WDR97: variants seen among roughly 807,000 people sequenced by gnomAD.
WDR97 encodes WD repeat-containing protein 97.
In WDR97, 111 loss-of-function variants were observed where a neutral mutation model predicts 65.4. The ratio of observed to expected loss-of-function variants is 1.70; its 90% CI spans 1.45 to 1.99. The LOEUF is 1.99. Among genes scored for constraint, WDR97 ranks in the 30% most tolerant of loss-of-function variants. The probability of loss-of-function intolerance (pLI) is 0.00; values close to 1 mark genes in which losing one functional copy is unlikely to be tolerated. For missense variants in WDR97, 1,674 were observed against 865.0 expected (o/e 1.94, Z -11.73); for synonymous variants, 802 against 397.7 (o/e 2.02, Z -12.10).
At position 144,109,489 on chromosome 8, in the gene WDR97, G is replaced by T. The variant is rs1381912053; in HGVS notation, c.1155G>T (p.Val385=). The T allele has an allele frequency of 1.4e-6, 1 of 697,350 alleles. No individual in the cohort carries two copies. The highest frequency in any genetic ancestry group is 1.5e-5 in the South Asian group (1 of 67,192). The allele number at this position is 697,350 out of a possible 1,614,324, so 43.2% of individuals were successfully genotyped here. A position where few individuals can be genotyped will look rare whatever the true frequency, so the allele number is the denominator to read the frequency against. ...GCCAGGACAAGCTGTCCCGGCGCGT[G>T]GGCCGTCTGCTGGCGCCGGTGCGCC... ...FWGQDKLSRR[V]GRLLAPVRPG... Residue 385 remains valine, a synonymous_variant, in exon 5 of 24, where the codon GTG becomes GTT. Coordinates refer to ENST00000323662, the MANE Select transcript of WDR97 (RefSeq NM_001316309.2).
intron 7 of WDR97, 28 bp from the exon 8 acceptor site, chr8:144,110,621 G>T (rs188148479): frequency 2.8e-6 from 2 of 702,776 alleles, no homozygotes; most frequent in Non-Finnish European, 5.2e-6. Context: ...GCCCAGCTCC[G>T]GTTCCTGACC....
rs1380290059 is a variant in WDR97 at position 144,116,564 on chromosome 8, T to G, written c.*271T>G. The G allele has an allele frequency of 2.5e-6, 1 of 397,496 alleles. No homozygotes were observed. Among genetic ancestry groups the G allele is most frequent in the Non-Finnish European group, 4.5e-6 (1 of 223,630 alleles). 24.6% of individuals were successfully genotyped at this position (397,496 alleles called of 1,614,324 possible). ...AGGGCAGAGGAGACCCATAGCGGGGTACCATCCGCTGGGCACTGAGCAAAC... is the reference window on the plus strand; with the variant it reads ...AGGGCAGAGGAGACCCATAGCGGGGGACCATCCGCTGGGCACTGAGCAAAC... On this transcript the variant is annotated 3_prime_UTR_variant, in exon 24 of 24. Coordinates refer to ENST00000323662, the MANE Select transcript of WDR97 (RefSeq NM_001316309.2).
intron 15 of WDR97, 169 bp downstream of exon 15, chr8:144,112,699 C>T (rs1836575079): frequency 4.8e-6 from 3 of 622,846 alleles, no homozygotes; most frequent in Non-Finnish European, 8.7e-6. Context: ...TCACCCCTCA[C>T]CCTTCACCCT....
chr8:144,111,234 G>T lies in WDR97; in HGVS notation c.2426+12G>T. On this transcript the variant is annotated intron_variant, in intron 10 of 23. Coordinates refer to ENST00000323662, the MANE Select transcript of WDR97 (RefSeq NM_001316309.2). ...GCAGCCAGCCTCAGGTCCCATGCAG[G>T]CCTGCTCAGCCCTCCTGGAGGCCCT... The T allele has an allele frequency of 1.4e-6, 1 of 702,688 alleles. No homozygotes were observed. Among genetic ancestry groups the T allele is most frequent in the East Asian group, 2.7e-5 (1 of 37,282 alleles). 43.5% of individuals were successfully genotyped at this position (702,688 alleles called of 1,614,324 possible).
In WDR97 at chr8:144,112,516, G is replaced by A. The variant is rs769046549; in HGVS notation, c.3091G>A (p.Val1031Met). The A allele has an allele frequency of 5.6e-5, 39 of 702,428 alleles. No individual in the cohort carries two copies. Among genetic ancestry groups the A allele is most frequent in the South Asian group, 4.1e-4 (28 of 67,596 alleles). 43.5% of individuals were successfully genotyped at this position (702,428 alleles called of 1,614,324 possible). A position where few individuals can be genotyped will look rare whatever the true frequency, so the allele number is the denominator to read the frequency against. The stretch of plus-strand genomic sequence containing the variant: ...CCTCAGGGGCTTCTTTCCTGCCACC[G>A]TGCAGCCCCACAAGGTGAGACCCCC... ...SSLRGFFPAT[V>M]QPHKHCLRPI... Residue 1031 changes from valine (V) to methionine (M), a missense_variant, in exon 15 of 24, where the codon GTG (valine) becomes ATG (methionine). Transcript: ENST00000323662.
Position 144,116,357 on chromosome 8 carries a change from C to A in WDR97, c.*64C>A, listed in dbSNP as rs1836667921. ...GTCATTGGTATTTGGCCAAGGCCTG[C>A]ATCGGGAATAAAGTCCAGAGAATTT... On this transcript the variant is annotated 3_prime_UTR_variant, in exon 24 of 24. Coordinates refer to ENST00000323662, the MANE Select transcript of WDR97 (RefSeq NM_001316309.2). The A allele has an allele frequency of 3.5e-6, 2 of 571,452 alleles. No homozygotes were observed. Among genetic ancestry groups the A allele is most frequent in the Non-Finnish European group, 6.2e-6 (2 of 322,040 alleles). The allele number at this position is 571,452 out of a possible 1,614,324, so 35.4% of individuals were successfully genotyped here.
At position 144,110,245 on chromosome 8, in the gene WDR97, TTG is replaced by T; in HGVS notation, c.1836_1837del (p.Ser613PhefsTer47). On this transcript the variant is annotated frameshift_variant, in exon 6 of 24. Transcript: ENST00000323662. LOFTEE classifies it high-confidence loss of function. Reference sequence around the variant, plus strand: ...GCCATCGCATCCACCTGGAACAGCATTGTGTCTTCGGGTCAGTAGCTCCCCTG... The same window carrying T: ...GCCATCGCATCCACCTGGAACAGCATTGTCTTCGGGTCAGTAGCTCCCCTG... 1 of 702,786 alleles carries T rather than the reference TTG, an allele frequency of 1.4e-6. No individual in the cohort carries two copies. The allele number at this position is 702,786 out of a possible 1,614,324, so 43.5% of individuals were successfully genotyped here.
At chr8:144,112,933 A>G in intron 15 of WDR97, 1 of 286,536 alleles carries the variant, frequency 3.5e-6, no homozygotes, top group South Asian at 6.5e-5. Flanking sequence ...TTTAGAATCC[A>G]CTGTCTTCCC....
rs979737780 is a variant in WDR97, at chr8:144,116,115, C to T, written c.4691C>T (p.Ala1564Val). The T allele has an allele frequency of 4.6e-5, 25 of 537,854 alleles. No homozygotes were observed. The highest frequency in any genetic ancestry group is 1.2e-4 in the African/African-American group (6 of 50,148). The allele number at this position is 537,854 out of a possible 1,614,324, so 33.3% of individuals were successfully genotyped here. A position where few individuals can be genotyped will look rare whatever the true frequency, so the allele number is the denominator to read the frequency against. Residue 1564 changes from alanine (A) to valine (V), a missense_variant, in exon 24 of 24, where the codon GCG (alanine) becomes GTG (valine). Transcript: ENST00000323662. The stretch of plus-strand genomic sequence containing the variant: ...GGCCCCATGCGGTCCCGGCTCTGTG[C>T]GGGCCGCACCCTGGACGGCCCCATC... ...LRGPMRSRLC[A>V]GRTLDGPIRT...
intron 23 of WDR97, 29 bp downstream of exon 23, chr8:144,116,042 C>T: frequency 2.0e-6 from 1 of 488,496 alleles, no homozygotes; most frequent in Admixed American, 2.3e-5. Context: ...GGAGACTGGA[C>T]CCCACCCACC....
rs1450819878 is a variant in WDR97 at position 144,109,529 on chromosome 8, C to G, written c.1195C>G (p.Leu399Val). The change falls in exon 5 of 24, where the codon CTG (leucine) becomes GTG (valine). Residue 399 changes from leucine to valine, a missense_variant. Coordinates refer to ENST00000323662, the MANE Select transcript of WDR97 (RefSeq NM_001316309.2). ...GCCGGTGCGCCCGGGCTGGCCGGTGCTGTCCCTGTGCGCGAGCAGCATGCA... is the reference window on the plus strand; with the variant it reads ...GCCGGTGCGCCCGGGCTGGCCGGTGGTGTCCCTGTGCGCGAGCAGCATGCA... Reference protein sequence around the residue: ...LAPVRPGWPVLSLCASSMQLW... With the variant: ...LAPVRPGWPVVSLCASSMQLW... 2.9e-6 allele frequency: 2 copies of G among 697,714 alleles called. No individual in the cohort carries two copies. Among genetic ancestry groups the G allele is most frequent in the Non-Finnish European group, 5.2e-6 (2 of 382,574 alleles). 43.2% of individuals were successfully genotyped at this position (697,714 alleles called of 1,614,324 possible). A position where few individuals can be genotyped will look rare whatever the true frequency, so the allele number is the denominator to read the frequency against.
Position 144,116,334 on chromosome 8 carries a change from C to T in WDR97, c.*41C>T, listed in dbSNP as rs1836667370. 5.1e-6 allele frequency: 3 copies of T among 588,212 alleles called. No homozygotes were observed. The highest frequency in any genetic ancestry group is 9.1e-6 in the Non-Finnish European group (3 of 329,366). The allele number at this position is 588,212 out of a possible 1,614,324, so 36.4% of individuals were successfully genotyped here. ...CAGCCCGCCTGGCTCTGGGGCCTGT[C>T]ATTGGTATTTGGCCAAGGCCTGCAT... is the stretch of plus-strand genomic sequence containing the variant. On this transcript the variant is annotated 3_prime_UTR_variant, in exon 24 of 24. Coordinates refer to ENST00000323662, the MANE Select transcript of WDR97 (RefSeq NM_001316309.2).
chr8:144,109,325 C>A lies in WDR97; in HGVS notation c.1001-10C>A. On this transcript the variant is annotated splice_polypyrimidine_tract_variant and intron_variant, in intron 4 of 23. Coordinates refer to ENST00000323662, the MANE Select transcript of WDR97 (RefSeq NM_001316309.2). Reference sequence around the variant, plus strand: ...TTCAGTCGGCCGAGTGACCTGCACCCCTCCCACAGGCCCGGTGACGGCTAT... The same window carrying A: ...TTCAGTCGGCCGAGTGACCTGCACCACTCCCACAGGCCCGGTGACGGCTAT... 1 of 701,844 alleles carries A rather than the reference C, an allele frequency of 1.4e-6. No homozygotes were observed. Among genetic ancestry groups the A allele is most frequent in the Non-Finnish European group, 2.6e-6 (1 of 384,516 alleles). The allele number at this position is 701,844 out of a possible 1,614,324, so 43.5% of individuals were successfully genotyped here.
At position 144,117,527 on chromosome 8, in the gene WDR97, AG is replaced by A; in HGVS notation, c.*1241del. 2 of 152,954 alleles carry A rather than the reference AG, an allele frequency of 1.3e-5. No homozygotes were observed. The highest frequency in any genetic ancestry group is 2.9e-5 in the Non-Finnish European group (2 of 68,546). 9.5% of individuals were successfully genotyped at this position (152,954 alleles called of 1,614,324 possible). The stretch of plus-strand genomic sequence containing the variant: ...AGGACACAGAAAGATAGCAGGGGGC[AG>A]GGGGGGATCTGAGGGACCCCACATG... On this transcript the variant is annotated 3_prime_UTR_variant, in exon 24 of 24. Transcript: ENST00000323662.
In WDR97 at chr8:144,110,867, C is replaced by T. The variant is rs115459066; in HGVS notation, c.2175C>T (p.Leu725=). 4.3e-6 allele frequency: 3 copies of T among 702,902 alleles called. No homozygotes were observed. Among genetic ancestry groups the T allele is most frequent in the South Asian group, 1.5e-5 (1 of 67,606 alleles). The allele number at this position is 702,902 out of a possible 1,614,324, so 43.5% of individuals were successfully genotyped here. ...GCTGCCCTGGGTGCCTCTCCAGGCTCCTGCAGCTGAATGGTGCCCCTCAGG... is the reference window on the plus strand; with the variant it reads ...GCTGCCCTGGGTGCCTCTCCAGGCTTCTGCAGCTGAATGGTGCCCCTCAGG... The part of the protein sequence containing the change: ...IWTAENRLLR[L]LQLNGAPQAL... Residue 725 remains leucine, a synonymous_variant, in exon 9 of 24, where the codon CTC becomes CTT. Transcript: ENST00000323662.
rs1836494076 is a variant in WDR97 at position 144,109,472 on chromosome 8, A to G, written c.1138A>G (p.Lys380Glu). The change falls in exon 5 of 24, where the codon AAG (lysine) becomes GAG (glutamate). Residue 380 changes from lysine to glutamate, a missense_variant. Lys to Glu is a moderately conservative substitution (Grantham distance 56). Transcript: ENST00000323662. ...EVALGFWGQD[K>E]LSRRVGRLLA... ...AGCGCTGGGCTTCTGGGGCCAGGAC[A>G]AGCTGTCCCGGCGCGTGGGCCGTCT... is the stretch of plus-strand genomic sequence containing the variant. 1.4e-6 allele frequency: 1 copy of G among 699,376 alleles called. No homozygotes were observed. The allele number at this position is 699,376 out of a possible 1,614,324, so 43.3% of individuals were successfully genotyped here.
Position 144,108,443 on chromosome 8 carries a change from A to C in WDR97, c.377A>C (p.Asp126Ala), listed in dbSNP as rs1587621843. The C allele has an allele frequency of 1.4e-6, 1 of 699,848 alleles. No individual in the cohort carries two copies. Among genetic ancestry groups the C allele is most frequent in the South Asian group, 1.5e-5 (1 of 67,478 alleles). The allele number at this position is 699,848 out of a possible 1,614,324, so 43.4% of individuals were successfully genotyped here. A position where few individuals can be genotyped will look rare whatever the true frequency, so the allele number is the denominator to read the frequency against. The change falls in exon 3 of 24, where the codon GAC becomes GCC. Residue 126 changes from aspartate to alanine, a missense_variant. Asp to Ala is a moderately radical substitution (Grantham distance 126). Transcript: ENST00000323662. ...DPVGGRFVVLDGAGRLHLHKE... is the reference protein window; with the variant it reads ...DPVGGRFVVLAGAGRLHLHKE... ...GTGGGTGGACGCTTCGTGGTGCTGG[A>C]CGGCGCGGGCCGCCTGCACCTGCAC...
rs965353262 is a variant in WDR97, at chr8:144,110,071, A to G, written c.1700+37A>G. On this transcript the variant is annotated intron_variant, in intron 5 of 23. Transcript: ENST00000323662. ...AGCCGGCGAGGGTCTGGCGGGCGGA[A>G]GGAGCGGCAGGGTCCGCGCCAACAG... is the stretch of plus-strand genomic sequence containing the variant. 10 of 696,050 alleles carry G rather than the reference A, an allele frequency of 1.4e-5. No individual in the cohort carries two copies. In the African/African-American group the frequency reaches 1.8e-4, roughly 12 times the overall value. The allele number at this position is 696,050 out of a possible 1,614,324, so 43.1% of individuals were successfully genotyped here. A position where few individuals can be genotyped will look rare whatever the true frequency, so the allele number is the denominator to read the frequency against.
Position 144,108,949 on chromosome 8 carries a change from G to C in WDR97, c.878+5G>C. ...GCGCCGGGATTTGCACAAAACGTGA[G>C]GGGGATCCCCCTAGGGAGGGCCAGG... On this transcript the variant is annotated splice_donor_5th_base_variant and intron_variant, in intron 3 of 23. Transcript: ENST00000323662. 1 of 703,052 alleles carries C rather than the reference G, an allele frequency of 1.4e-6. No individual in the cohort carries two copies. The highest frequency in any genetic ancestry group is 2.6e-6 in the Non-Finnish European group (1 of 385,020). The allele number at this position is 703,052 out of a possible 1,614,324, so 43.6% of individuals were successfully genotyped here. A position where few individuals can be genotyped will look rare whatever the true frequency, so the allele number is the denominator to read the frequency against.
Sources: allele counts gnomAD v4.1 joint callset, GRCh38; gene constraint gnomAD v4.1.1; transcripts MANE v1.5; gene names NCBI Gene and HGNC (gene_info 2026-07-23, HGNC 2026-07-21).